The following SPATA18 variants were observed in gnomAD, a reference collection of about 807,000 sequenced individuals.
The protein encoded by SPATA18 is spermatogenesis associated 18.
Under a neutral mutation model 68.1 loss-of-function variants are expected in SPATA18, and 54 were observed. The observed-to-expected ratio is 0.79, with a 90% CI of 0.64 to 0.99. The LOEUF is 0.99. Ranked by LOEUF, SPATA18 falls within the 50% of genes least tolerant of loss-of-function variation. SPATA18 has a pLI of 0.00. For missense variants in SPATA18, 724 were observed against 681.1 expected (o/e 1.06, Z -0.70); for synonymous variants, 242 against 244.8 (o/e 0.99, Z 0.11).
rs1309165411 is a variant in SPATA18, at chr4:52,076,901, C to G, written c.881C>G (p.Ser294Cys). 2 of 1,614,098 alleles carry G rather than the reference C, an allele frequency of 1.2e-6. No individual in the cohort carries two copies. Among genetic ancestry groups the G allele is most frequent in the Non-Finnish European group, 1.7e-6 (2 of 1,180,054 alleles). ...CCGTCCCCAAACCGCTCCAAGCTGTCCAATGTGGCGCGCAAGGCTGCCCTC... is the reference window on the plus strand; with the variant it reads ...CCGTCCCCAAACCGCTCCAAGCTGTGCAATGTGGCGCGCAAGGCTGCCCTC... ...RRPSPNRSKLSNVARKAALLS... is the reference protein window; with the variant it reads ...RRPSPNRSKLCNVARKAALLS... The change falls in exon 7 of 13, where the codon TCC (serine) becomes TGC (cysteine). Residue 294 changes from serine (S) to cysteine (C), a missense_variant. Transcript: ENST00000295213.
chr4:52,057,182 T>A (rs541989901), intron 1 of SPATA18, among the ~76,000 whole-genome samples: 2 of 146,778 alleles, frequency 1.4e-5, no homozygotes, highest in African/African-American at 2.5e-5. Flanking sequence ...TGCAGGCAAC[T>A]TTTTTTTTTT....
At chr4:52,080,016 G>A (rs1740785214) in intron 9 of SPATA18, 97 bp downstream of exon 9, 1 of 1,311,346 alleles carries the variant, frequency 7.6e-7, no homozygotes, top group Non-Finnish European at 1.0e-6. Flanking sequence ...TCTGGGTGGA[G>A]AAATTAACAG....
At chr4:52,090,708 T>C (rs980555548) in intron 11 of SPATA18, among the ~76,000 whole-genome samples, 9 of 152,222 alleles carry the variant, frequency 5.9e-5, no homozygotes, top group African/African-American at 2.2e-4. Context: ...TCTCTTTGGC[T>C]GCCCTTGGCA....
intron 4 of SPATA18, among the ~76,000 whole-genome samples, chr4:52,065,058 CTGTT>C (rs1394517531): frequency 6.6e-6 from 1 of 152,148 alleles, no homozygotes; most frequent in South Asian, 2.1e-4. Flanking sequence ...TGTGTATTGG[CTGTT>C]TGTGTATCTT....
At chr4:52,082,653 CAAG>C in intron 10 of SPATA18, 143 bp downstream of exon 10, 1 of 1,535,630 alleles carries the variant, frequency 6.5e-7, no homozygotes, top group Non-Finnish European at 8.8e-7. Flanking sequence ...GAGATGATCT[CAAG>C]AAGAACTGAT....
At chr4:52,092,895 A>G (rs1742105627) in intron 11 of SPATA18, among the ~76,000 whole-genome samples, 1 of 152,218 alleles carries the variant, frequency 6.6e-6, no homozygotes, top group Non-Finnish European at 1.5e-5. Context: ...TAACACAGGA[A>G]CAGAAAACCA....
Position 52,071,832 on chromosome 4 carries a change from T to C in SPATA18, c.519-85T>C, listed in dbSNP as rs1739870827. The C allele has an allele frequency of 2.2e-6, 3 of 1,349,118 alleles. No individual in the cohort carries two copies. In the South Asian group the frequency reaches 4.3e-5, roughly 19 times the overall value. The allele number at this position is 1,349,118 out of a possible 1,614,324, so 83.6% of individuals were successfully genotyped here. The stretch of plus-strand genomic sequence containing the variant: ...TAGCCTCTGTTGTTAAGCATGCCAA[T>C]TGCTGCTTATTACCTTTCCTTCCTT... On this transcript the variant is annotated intron_variant, in intron 5 of 12. Transcript: ENST00000295213.
chr4:52,091,194 T>G (rs916909894), intron 11 of SPATA18, among the ~76,000 whole-genome samples: 1 of 152,100 alleles, frequency 6.6e-6, no homozygotes, highest in African/African-American at 2.4e-5. Context: ...CGACTAACCT[T>G]TTTTCAAGGT....
In SPATA18 at chr4:52,079,754, G is replaced by T. The variant is rs201983741; in HGVS notation, c.1190G>T (p.Arg397Leu). 1 of 1,613,822 alleles carries T rather than the reference G, an allele frequency of 6.2e-7. No individual in the cohort carries two copies. Among genetic ancestry groups the T allele is most frequent in the Admixed American group, 1.7e-5 (1 of 60,000 alleles). The change falls in exon 9 of 13, where the codon CGA becomes CTA. Residue 397 changes from arginine (R) to leucine (L), a missense_variant. By Grantham distance (102) the Arg-to-Leu change is moderately radical (BLOSUM62 -2). Transcript: ENST00000295213. ...DSQSSVNDVIRAMNVNPKISF... is the reference protein window; with the variant it reads ...DSQSSVNDVILAMNVNPKISF... Reference sequence around the variant, plus strand: ...TCTTTTGTTTTTCAGGATGTGATCCGAGCCATGAATGTCAATCCCAAGATT... The same window carrying T: ...TCTTTTGTTTTTCAGGATGTGATCCTAGCCATGAATGTCAATCCCAAGATT...
At chr4:52,071,891 C>T (rs750931560) in intron 5 of SPATA18, 26 bp from the exon 6 acceptor site, 3 of 1,609,226 alleles carry the variant, frequency 1.9e-6, no homozygotes, top group Non-Finnish European at 2.5e-6. Context: ...TCTTCCCTTC[C>T]TCTGCCCTCT....
intron 7 of SPATA18, 45 bp from the exon 8 acceptor site, chr4:52,078,690 C>T (rs771273413): frequency 2.0e-6 from 3 of 1,474,188 alleles, no homozygotes; most frequent in South Asian, 1.5e-5. Flanking sequence ...GATCTCTTCA[C>T]CTACCTCTTT....
At chr4:52,094,372 A>G (rs1429412392) in intron 11 of SPATA18, among the ~76,000 whole-genome samples, 155 bp from the exon 12 acceptor site, 1 of 152,204 alleles carries the variant, frequency 6.6e-6, no homozygotes, top group African/African-American at 2.4e-5. Flanking sequence ...TCTAAAAAGA[A>G]TCACAATAGT....
At chr4:52,088,755 T>C (rs992899103) in intron 11 of SPATA18, among the ~76,000 whole-genome samples, 5 of 152,216 alleles carry the variant, frequency 3.3e-5, no homozygotes, top group Admixed American at 3.3e-4. Context: ...TTTTTTGTTG[T>C]GTCTCTGCCA....
intron 6 of SPATA18, among the ~76,000 whole-genome samples, chr4:52,075,748 A>T (rs1244043059): frequency 1.3e-5 from 2 of 152,218 alleles, no homozygotes; most frequent in East Asian, 3.9e-4. Context: ...GGCCGGCATC[A>T]GCGGCCCGGT....
chr4:52,094,222 G>A (rs6554201), intron 11 of SPATA18, among the ~76,000 whole-genome samples: 128,896 of 152,152 alleles, frequency 0.85, 58,521 homozygotes, highest in East Asian at 1. Flanking sequence ...CCCAGATATT[G>A]TATCATCATT....
intron 8 of SPATA18, 124 bp downstream of exon 8, chr4:52,079,017 G>A (rs1296763841): frequency 1.8e-6 from 2 of 1,081,360 alleles, no homozygotes; most frequent in South Asian, 5.9e-5. Flanking sequence ...AAGAAGAAAG[G>A]AACAGCATTC....
At position 52,060,506 on chromosome 4, in the gene SPATA18, ACAGCAG is replaced by A; in HGVS notation, c.180_185del (p.Ala61_Ala62del). On this transcript the variant is annotated inframe_deletion, in exon 2 of 13. Transcript: ENST00000295213. ...GCAGGGACAACTCTTTGGGATCCTC[ACAGCAG>A]CAGCCCAAGAAGGTGAGAATGGCCT... 1 of 1,613,982 alleles carries A rather than the reference ACAGCAG, an allele frequency of 6.2e-7. No homozygotes were observed. Among genetic ancestry groups the A allele is most frequent in the Non-Finnish European group, 8.5e-7 (1 of 1,179,900 alleles).
chr4:52,052,417 C>T (rs1737974989), intron 1 of SPATA18, among the ~76,000 whole-genome samples: 1 of 152,168 alleles, frequency 6.6e-6, no homozygotes, highest in South Asian at 2.1e-4. Flanking sequence ...TATTCTGTCA[C>T]CAAACCCATG....
chr4:52,065,697 C>T (rs1485119159), intron 4 of SPATA18, among the ~76,000 whole-genome samples: 1 of 152,162 alleles, frequency 6.6e-6, no homozygotes, highest in African/African-American at 2.4e-5. Context: ...TCTCTTAAGC[C>T]AGGGTGCTGC....
Sources: gnomAD v4.1 joint callset for allele counts (sites outside exome capture counted in the v4.1 genomes callset) on GRCh38, gnomAD v4.1.1 for gene constraint, MANE v1.5 for transcripts, NCBI Gene and HGNC (gene_info 2026-07-23, HGNC 2026-07-21) for gene names.